The following SNTG1 variants were observed in gnomAD, a reference collection of about 807,000 sequenced individuals.
The protein encoded by SNTG1 is gamma-1-syntrophin.
SNTG1 carries 39 observed loss-of-function variants against 74.7 expected under a neutral mutation model. The observed-to-expected ratio is 0.52, with a 90% confidence interval of 0.40 to 0.68. SNTG1 has a LOEUF of 0.68. Among genes scored for constraint, SNTG1 ranks in the 30% least tolerant of loss-of-function variants. The pLI is 0.00. For missense variants in SNTG1, 685 were observed against 609.5 expected, an observed-to-expected ratio of 1.12 and a Z score of -1.30; for synonymous variants, 254 against 217.1, an observed-to-expected ratio of 1.17 and a Z score of -1.49.
chr8:50,229,540 AACAATCCTTAACATGT>A (rs148943037), intron 2 of SNTG1, among the ~76,000 whole-genome samples: 1,647 of 151,758 alleles, frequency 0.011, 26 homozygotes, highest in Non-Finnish European at 0.016. Flanking sequence ...AAAGCAATTT[AACAATCCTTAACATGT>A]ACACAATTAA....
At chr8:50,242,820 A>G (rs1367366742) in intron 2 of SNTG1, among the ~76,000 whole-genome samples, 1 of 150,996 alleles carries the variant, frequency 6.6e-6, no homozygotes, top group African/African-American at 2.4e-5. Flanking sequence ...AAATATAAGC[A>G]TGTAAATAAA....
intron 17 of SNTG1, among the ~76,000 whole-genome samples, chr8:50,715,445 A>C (rs996113056): frequency 1.3e-5 from 2 of 152,180 alleles, no homozygotes; most frequent in East Asian, 3.9e-4. Flanking sequence ...TCTTTACTTC[A>C]ATTTATTTAA....
In SNTG1 at chr8:50,262,715, C is replaced by CT. The variant is rs797000374; in HGVS notation, c.-28+90089dup. Among the ~76,000 whole-genome samples, 48 of 151,550 alleles carry CT rather than the reference C, an allele frequency of 3.2e-4. No homozygotes were observed. In the East Asian group the frequency reaches 7.0e-3, roughly 22 times the overall value. ...TGAGCCACCGCGCCCGGCCCGAAAT[C>CT]TTTTTTTTTAAAAGATCAATGAAAT... is the stretch of plus-strand genomic sequence containing the variant. On this transcript the variant is annotated intron_variant, in intron 2 of 18. Transcript: ENST00000642720.
intron 17 of SNTG1, among the ~76,000 whole-genome samples, chr8:50,724,432 T>C (rs2095495156): frequency 1.3e-5 from 2 of 152,196 alleles, no homozygotes; most frequent in African/African-American, 4.8e-5. Context: ...CAAGATGTGA[T>C]AATAAATAAT....
chr8:50,014,858 G>A (rs1816162035), intron 1 of SNTG1, among the ~76,000 whole-genome samples: 1 of 151,974 alleles, frequency 6.6e-6, no homozygotes, highest in African/African-American at 2.4e-5. Flanking sequence ...AATTATTCCA[G>A]TAAAGCTTCT....
chr8:50,056,046 C>T (rs1376980303), intron 1 of SNTG1, among the ~76,000 whole-genome samples: 2 of 151,996 alleles, frequency 1.3e-5, no homozygotes, highest in African/African-American at 2.4e-5. Context: ...ATCACCTTTC[C>T]GTACATGCAT....
At chr8:50,527,267 G>T (rs1331346637) in intron 9 of SNTG1, among the ~76,000 whole-genome samples, 6 of 152,078 alleles carry the variant, frequency 3.9e-5, no homozygotes, top group African/African-American at 1.2e-4. Flanking sequence ...TATAAATTAC[G>T]AAGATTTTCT....
intron 13 of SNTG1, among the ~76,000 whole-genome samples, chr8:50,614,856 T>C (rs2094875462): frequency 6.6e-6 from 1 of 152,202 alleles, no homozygotes; most frequent in Middle Eastern, 3.4e-3. Context: ...TATATCAAAA[T>C]ATTAATTATT....
chr8:50,434,738 G>C (rs183343103), intron 4 of SNTG1, among the ~76,000 whole-genome samples: 76 of 152,106 alleles, frequency 5.0e-4, no homozygotes, highest in Non-Finnish European at 1.5e-4. Flanking sequence ...TTAATAATTA[G>C]AGGCCATCAT....
At chr8:50,336,039 T>G (rs2091131576) in intron 2 of SNTG1, among the ~76,000 whole-genome samples, 1 of 152,130 alleles carries the variant, frequency 6.6e-6, no homozygotes, top group Non-Finnish European at 1.5e-5. Flanking sequence ...GATGTACACC[T>G]GTACTTTAAC....
At chr8:50,239,777 T>G (rs1298867116) in intron 2 of SNTG1, among the ~76,000 whole-genome samples, 1 of 152,206 alleles carries the variant, frequency 6.6e-6, no homozygotes, top group African/African-American at 2.4e-5. Flanking sequence ...AATTATTCAC[T>G]AGGTTTACAC....
At chr8:50,297,898 A>G (rs892050440) in intron 2 of SNTG1, among the ~76,000 whole-genome samples, 3 of 150,798 alleles carry the variant, frequency 2.0e-5, no homozygotes, top group Non-Finnish European at 4.4e-5. Context: ...TTTTTTTACA[A>G]CAATTTGGTT....
chr8:50,695,237 G>T (rs1194835127), intron 15 of SNTG1, among the ~76,000 whole-genome samples: 1 of 150,746 alleles, frequency 6.6e-6, no homozygotes, highest in Non-Finnish European at 1.5e-5. Flanking sequence ...GTTAAAAATA[G>T]AAACAAATTT....
At chr8:50,162,120 T>TG (rs1357683060) in intron 1 of SNTG1, among the ~76,000 whole-genome samples, 1 of 152,120 alleles carries the variant, frequency 6.6e-6, no homozygotes, top group Non-Finnish European at 1.5e-5. Context: ...GCCACTTGCT[T>TG]GGCAGGACAA....
chr8:50,030,134 A>G (rs1817622197), intron 1 of SNTG1, among the ~76,000 whole-genome samples: 1 of 152,080 alleles, frequency 6.6e-6, no homozygotes, highest in Admixed American at 6.6e-5. Context: ...TCTGCTGGCC[A>G]GTTGTATGTC....
At chr8:50,363,614 G>C (rs955662406) in intron 2 of SNTG1, among the ~76,000 whole-genome samples, 7 of 152,146 alleles carry the variant, frequency 4.6e-5, no homozygotes, top group African/African-American at 1.4e-4. Flanking sequence ...ATTGGATTTT[G>C]ATTATGCATA....
At chr8:50,119,461 A>C (rs1275125156) in intron 1 of SNTG1, among the ~76,000 whole-genome samples, 1 of 141,748 alleles carries the variant, frequency 7.1e-6, no homozygotes, top group Non-Finnish European at 1.6e-5. Flanking sequence ...ACTTGACCCA[A>C]GAAAAGTTAT....
chr8:50,402,180 C>A, intron 3 of SNTG1, 30 bp from the exon 4 acceptor site: 3 of 1,577,732 alleles, frequency 1.9e-6, no homozygotes, highest in Non-Finnish European at 2.6e-6. Flanking sequence ...TATAATTTTT[C>A]CTCTGTTTGT....
chr8:50,129,374 G>A (rs991150919), intron 1 of SNTG1, among the ~76,000 whole-genome samples: 1 of 152,072 alleles, frequency 6.6e-6, no homozygotes, highest in African/African-American at 2.4e-5. Context: ...GAATGCAGAA[G>A]GAGAGGCCCT....
Sources: allele counts gnomAD v4.1 joint callset (sites outside exome capture counted in the v4.1 genomes callset), GRCh38; gene constraint gnomAD v4.1.1; transcripts MANE v1.5; gene names NCBI Gene and HGNC (gene_info 2026-07-23, HGNC 2026-07-21).